TXLNB: variants seen among roughly 807,000 people sequenced by gnomAD.
The protein encoded by TXLNB is taxilin beta.
Under a neutral mutation model 57.4 loss-of-function variants are expected in TXLNB, and 37 were observed. That is an observed-to-expected ratio of 0.64 (90% CI 0.50 to 0.85). The LOEUF is 0.85. Among genes scored for constraint, TXLNB ranks in the 40% least tolerant of loss-of-function variants. The pLI is 0.00. For missense variants in TXLNB, 848 were observed against 825.6 expected, an observed-to-expected ratio of 1.03 and a Z score of -0.33; for synonymous variants, 302 against 309.6, an observed-to-expected ratio of 0.98 and a Z score of 0.26.
rs994304568 is a variant in TXLNB, at chr6:139,291,952, G to C, written c.-46C>G. 2.0e-5 allele frequency: 3 copies of C among 152,972 alleles called. No individual in the cohort carries two copies. In the Admixed American group the frequency reaches 2.0e-4, roughly 10 times the overall value. The allele number at this position is 152,972 out of a possible 1,614,324, so 9.5% of individuals were successfully genotyped here. ...GCAAGAAGCTAAGCAAGAAGAGAGA[G>C]GAGAGGAAGGAGGCAGGAAAAAGCA... is the stretch of plus-strand genomic sequence containing the variant. On this transcript the variant is annotated 5_prime_UTR_variant, in exon 1 of 10. Coordinates refer to ENST00000358430, the MANE Select transcript of TXLNB (RefSeq NM_153235.4).
chr6:139,239,509 T>C (rs1775875445), downstream of TXLNB: 1 of 152,608 alleles, frequency 6.6e-6, no homozygotes, highest in Admixed American at 6.5e-5. This position sits in a 1 kb window ranked among gnomAD's most constrained non-coding sequence, Gnocchi z 4.7. Context: ...TTTTCTTTTT[T>C]TGAGACAGGG....
chr6:139,248,419 C>T (rs975961941), intron 7 of TXLNB, among the ~76,000 whole-genome samples: 2 of 151,784 alleles, frequency 1.3e-5, no homozygotes, highest in African/African-American at 2.4e-5. Flanking sequence ...TCGCTTGAAC[C>T]CAGGAGGCAG....
chr6:139,206,395 A>T, the TXLNB span, among the ~76,000 whole-genome samples: 1 of 152,158 alleles, frequency 6.6e-6, no homozygotes. Flanking sequence ...GGTCAGGGGC[A>T]TGGTGGCTCA....
At chr6:139,243,551 C>A (rs140668371) in intron 9 of TXLNB, among the ~76,000 whole-genome samples, 29 of 145,768 alleles carry the variant, frequency 2.0e-4, no homozygotes, top group African/African-American at 7.6e-4. Flanking sequence ...AATCACCATA[C>A]CCTGTTCATT....
chr6:139,189,223 T>C, the TXLNB span, among the ~76,000 whole-genome samples: 1 of 152,266 alleles, frequency 6.6e-6, no homozygotes, highest in African/African-American at 2.4e-5. Flanking sequence ...AGGCGTATTC[T>C]GTTGCCCAAA....
chr6:139,236,844 T>G (rs1176897375), downstream of TXLNB, among the ~76,000 whole-genome samples: 1 of 152,026 alleles, frequency 6.6e-6, no homozygotes, highest in Non-Finnish European at 1.5e-5. Flanking sequence ...GCTCAAGTGA[T>G]CCTCCTGATC....
chr6:139,271,593 G>A (rs1307774851), intron 3 of TXLNB: 1 of 152,036 alleles, frequency 6.6e-6, no homozygotes, highest in Non-Finnish European at 1.5e-5. Context: ...ACATATTTTT[G>A]CCAAAAAGTT....
the TXLNB span, among the ~76,000 whole-genome samples, chr6:139,207,332 C>T: frequency 6.6e-6 from 1 of 152,090 alleles, no homozygotes; most frequent in African/African-American, 2.4e-5. Context: ...AAAAGGAATC[C>T]TCAGAACTAT....
At chr6:139,293,195 G>A (rs1052570186), upstream of TXLNB, among the ~76,000 whole-genome samples, 6 of 152,186 alleles carry the variant, frequency 3.9e-5, no homozygotes, top group East Asian at 5.8e-4. Flanking sequence ...GGGTTCAAGC[G>A]ATTCTCCTCC....
the TXLNB span, among the ~76,000 whole-genome samples, chr6:139,232,176 T>A: frequency 2.6e-5 from 4 of 152,094 alleles, no homozygotes; most frequent in Non-Finnish European, 5.9e-5. Context: ...AAACTTACAA[T>A]CATGGCAGAA....
intron 7 of TXLNB, chr6:139,255,335 C>T: frequency 1.8e-6 from 1 of 566,070 alleles, no homozygotes; most frequent in Non-Finnish European, 3.4e-6. Flanking sequence ...TGTCAACAAA[C>T]CTTTGACTGG....
At chr6:139,209,553 A>T in the TXLNB span, among the ~76,000 whole-genome samples, 1 of 152,208 alleles carries the variant, frequency 6.6e-6, no homozygotes, top group Admixed American at 6.5e-5. Flanking sequence ...AGAACCCAGA[A>T]ATAAAGCCAA....
the TXLNB span, among the ~76,000 whole-genome samples, chr6:139,311,631 G>A: frequency 6.6e-6 from 1 of 152,072 alleles, no homozygotes. Context: ...ATTTTTACCT[G>A]AGATGTACTA....
At chr6:139,320,851 G>A in the TXLNB span, among the ~76,000 whole-genome samples, 1 of 152,134 alleles carries the variant, frequency 6.6e-6, no homozygotes, top group Admixed American at 6.5e-5. Context: ...TTCTAAGAAA[G>A]CTCTTCTGCC....
At chr6:139,225,854 G>A in the TXLNB span, among the ~76,000 whole-genome samples, 1 of 152,050 alleles carries the variant, frequency 6.6e-6, no homozygotes, top group Non-Finnish European at 1.5e-5. Context: ...AAGTAAAAGG[G>A]CTAAGAAGTT....
upstream of TXLNB, among the ~76,000 whole-genome samples, chr6:139,293,333 G>A (rs993300356): frequency 9.2e-5 from 14 of 151,954 alleles, no homozygotes; most frequent in Non-Finnish European, 1.0e-4. Flanking sequence ...CTCATGATCC[G>A]CCCACCTCGG....
chr6:139,176,401 A>AT, the TXLNB span, among the ~76,000 whole-genome samples: 11 of 152,196 alleles, frequency 7.2e-5, no homozygotes, highest in African/African-American at 2.7e-4. The surrounding 1 kb of genome is among the most constrained non-coding windows in gnomAD (Gnocchi z 4.5). Flanking sequence ...TCCTGGACCC[A>AT]TTGCTGAAAG....
intron 3 of TXLNB, among the ~76,000 whole-genome samples, chr6:139,276,192 T>C (rs543334823): frequency 4.6e-5 from 7 of 152,212 alleles, no homozygotes; most frequent in Non-Finnish European, 1.0e-4. Context: ...GATGCACATA[T>C]ATAAATGCCA....
the TXLNB span, among the ~76,000 whole-genome samples, chr6:139,220,745 A>G: frequency 6.6e-6 from 1 of 152,178 alleles, no homozygotes; most frequent in Non-Finnish European, 1.5e-5. Flanking sequence ...GACCTTTAAT[A>G]TTTGCATTAT....
Sources: gnomAD v4.1 joint callset for allele counts (sites outside exome capture counted in the v4.1 genomes callset) on GRCh38, gnomAD v4.1.1 for gene constraint, Gnocchi (gnomAD v3.1) non-coding constraint, MANE v1.5 for transcripts, NCBI Gene and HGNC (gene_info 2026-07-23, HGNC 2026-07-21) for gene names.